The following IFT140 variants were observed in gnomAD, a reference collection of about 807,000 sequenced individuals.
The protein encoded by IFT140 is intraflagellar transport protein 140 homolog.
In IFT140, 133 loss-of-function variants were observed where a neutral mutation model predicts 164.6. The observed-to-expected ratio is 0.81, with a 90% CI of 0.70 to 0.93. The LOEUF is 0.93. Among genes scored for constraint, IFT140 ranks in the 40% least tolerant of loss-of-function variants. The pLI, the probability that IFT140 is intolerant of heterozygous loss-of-function variation, is 0.00. For missense variants in IFT140, 2,045 were observed against 1,972.3 expected (o/e 1.04, Z -0.70); for synonymous variants, 860 against 817.3 (o/e 1.05, Z -0.89).
intron 12 of IFT140, among the ~76,000 whole-genome samples, chr16:1,581,758 GGGGTGGGGAGGGGAGGGGAGCGGA>G (rs2034575614): frequency 1.1e-5 from 1 of 94,050 alleles, no homozygotes; most frequent in African/African-American, 4.4e-5. Flanking sequence ...AGGGGAGCGG[GGGGTGGGGAGGGGAGGGGAGCGGA>G]GGGGAGGGGA....
In IFT140 at chr16:1,592,180, C is replaced by G; in HGVS notation, c.630G>C (p.Met210Ile). 6.2e-7 allele frequency: 1 copy of G among 1,614,180 alleles called. No individual in the cohort carries two copies. The highest frequency in any genetic ancestry group is 8.5e-7 in the Non-Finnish European group (1 of 1,180,026). Residue 210 changes from methionine to isoleucine, a missense_variant, in exon 6 of 31, where the codon ATG (methionine) becomes ATC (isoleucine). Physicochemically the swap from Met to Ile is conservative, Grantham distance 10. Coordinates refer to ENST00000426508, the MANE Select transcript of IFT140 (RefSeq NM_014714.4). ...HEGLLFFVSL[M>I]DGTVHYVDEK... ...ATCACAACCAAAGTTCCTCACCGTCCATCAGACTGACAAAGAACAACAGCC... is the reference window on the plus strand; with the variant it reads ...ATCACAACCAAAGTTCCTCACCGTCGATCAGACTGACAAAGAACAACAGCC...
At chr16:1,520,541 A>G (rs2040491626) in intron 27 of IFT140, 61 bp downstream of exon 27, 3 of 1,489,316 alleles carry the variant, frequency 2.0e-6, no homozygotes, top group Admixed American at 2.0e-5. Context: ...AGATGCGTGC[A>G]GGGGGCCCGC....
intron 19 of IFT140, among the ~76,000 whole-genome samples, chr16:1,529,982 C>A (rs1187024967): frequency 6.6e-6 from 1 of 152,138 alleles, no homozygotes; most frequent in Non-Finnish European, 1.5e-5. Flanking sequence ...GATGCCACGG[C>A]TCCTCACAGA....
Position 1,511,133 on chromosome 16 carries a change from C to T in IFT140, c.4200G>A (p.Glu1400=), listed in dbSNP as rs986247813. Reference sequence around the variant, plus strand: ...CCAAGGGAAGCCGCCGCCGCATCTCCTCCAGGAATCTGTAGGCCTGGGGCA... The same window carrying T: ...CCAAGGGAAGCCGCCGCCGCATCTCTTCCAGGAATCTGTAGGCCTGGGGCA... ...EEYQTAYRFL[E]EMRRRLPLAN... is the part of the protein sequence containing the mutation. Residue 1400 remains glutamate, a synonymous_variant, in exon 31 of 31, where the codon GAG becomes GAA. Coordinates refer to ENST00000426508, the MANE Select transcript of IFT140 (RefSeq NM_014714.4). 2 of 1,607,782 alleles carry T rather than the reference C, an allele frequency of 1.2e-6. No homozygotes were observed. Among genetic ancestry groups the T allele is most frequent in the Admixed American group, 1.7e-5 (1 of 59,112 alleles).
Position 1,510,795 on chromosome 16 carries a change from CGGG to C in IFT140, c.*146_*148del. On this transcript the variant is annotated 3_prime_UTR_variant, in exon 31 of 31. Coordinates refer to ENST00000426508, the MANE Select transcript of IFT140 (RefSeq NM_014714.4). ...AGACGGGTCACACCCTCCGCCGGCCCGGGCCGCTGCGTTCTCGCCCAGCTCTGT... is the reference window on the plus strand; with the variant it reads ...AGACGGGTCACACCCTCCGCCGGCCCCCGCTGCGTTCTCGCCCAGCTCTGT... 1 of 755,540 alleles carries C rather than the reference CGGG, an allele frequency of 1.3e-6. No individual in the cohort carries two copies. The allele number at this position is 755,540 out of a possible 1,614,324, so 46.8% of individuals were successfully genotyped here.
At chr16:1,534,700 G>A in intron 19 of IFT140, 1 of 1,217,710 alleles carries the variant, frequency 8.2e-7, no homozygotes, top group Admixed American at 2.4e-5. Flanking sequence ...GCAGGAGGGG[G>A]CACTGTGTCT....
intron 3 of IFT140, among the ~76,000 whole-genome samples, chr16:1,605,256 C>T (rs2035999557): frequency 6.6e-6 from 1 of 152,142 alleles, no homozygotes; most frequent in African/African-American, 2.4e-5. Context: ...GAGGACTTCA[C>T]AGGAGTGTGG....
chr16:1,548,905 G>GAC (rs2032401845), intron 19 of IFT140, among the ~76,000 whole-genome samples: 2 of 152,224 alleles, frequency 1.3e-5, no homozygotes, highest in African/African-American at 4.8e-5. Context: ...TTTTACTGCT[G>GAC]ACAGGTGGAA....
rs559728815 is a variant in IFT140 at position 1,541,395 on chromosome 16, G to T, written c.2400-14599C>A. 2.4e-5 allele frequency: 24 copies of T among 985,430 alleles called. No individual in the cohort carries two copies. In the African/African-American group the frequency reaches 4.0e-4, roughly 16 times the overall value. The allele number at this position is 985,430 out of a possible 1,614,324, so 61.0% of individuals were successfully genotyped here. On this transcript the variant is annotated intron_variant, in intron 19 of 30. Coordinates refer to ENST00000426508, the MANE Select transcript of IFT140 (RefSeq NM_014714.4). Reference sequence around the variant, plus strand: ...CTCCTCGGTCCCAAGTCCCTCAGCTGCTGGGAGGAGGGAACACCACCATGA... The same window carrying T: ...CTCCTCGGTCCCAAGTCCCTCAGCTTCTGGGAGGAGGGAACACCACCATGA...
rs771255082 is a variant in IFT140 at position 1,558,011 on chromosome 16, C to T, written c.2323G>A (p.Ala775Thr). 42 of 1,613,828 alleles carry T rather than the reference C, an allele frequency of 2.6e-5. No homozygotes were observed. Among genetic ancestry groups the T allele is most frequent in the South Asian group, 1.4e-4 (13 of 91,068 alleles). The change falls in exon 19 of 31, where the codon GCC becomes ACC. Residue 775 changes from alanine to threonine, a missense_variant. By Grantham distance (58) the Ala-to-Thr change is moderately conservative. Transcript: ENST00000426508. ...ACAAAGAAGCTGAAGTGGAGCATGG[C>T]GTCCCGGGTGGCCTTGTCGCAGTCC... is the stretch of plus-strand genomic sequence containing the variant. ...LEDCDKATRDAMLHFSFFVTI... is the reference protein window; with the variant it reads ...LEDCDKATRDTMLHFSFFVTI...
At chr16:1,605,294 G>A (rs2142075698) in intron 3 of IFT140, among the ~76,000 whole-genome samples, 1 of 152,310 alleles carries the variant, frequency 6.6e-6, no homozygotes, top group Non-Finnish European at 1.5e-5. Context: ...AAACACTCAG[G>A]GGGTGACACC....
intron 29 of IFT140, among the ~76,000 whole-genome samples, chr16:1,518,982 T>G (rs1367649182): frequency 6.6e-6 from 1 of 152,164 alleles, no homozygotes; most frequent in Non-Finnish European, 1.5e-5. Context: ...GCGCCTGGCC[T>G]GCCCTCTGAC....
In IFT140 at chr16:1,587,317, A is replaced by C. The variant is rs748649022; in HGVS notation, c.903-13T>G. On this transcript the variant is annotated splice_polypyrimidine_tract_variant and intron_variant, in intron 8 of 30. Transcript: ENST00000426508. ...TATGTCCCAGAATCTACAACAGAAGAAAGCAAGCCCCATGGAGGGCCTGTG... is the reference window on the plus strand; with the variant it reads ...TATGTCCCAGAATCTACAACAGAAGCAAGCAAGCCCCATGGAGGGCCTGTG... 9 of 1,564,864 alleles carry C rather than the reference A, an allele frequency of 5.8e-6. No homozygotes were observed. The highest frequency in any genetic ancestry group is 3.3e-5 in the South Asian group (3 of 90,062).
chr16:1,561,233 C>CTGCT (rs772201875), intron 18 of IFT140, among the ~76,000 whole-genome samples: 45 of 152,266 alleles, frequency 3.0e-4, no homozygotes, highest in Non-Finnish European at 5.1e-4. Flanking sequence ...CACACATGGG[C>CTGCT]TGCTGTTCTG....
chr16:1,592,209 C>G lies in IFT140; in HGVS notation c.601G>C (p.Glu201Gln), dbSNP rs367721062. ...AGACTGACAAAGAACAACAGCCCCT[C>G]GTGAGACCCCATCTTCAGCAAACTT... ...SGSLLKMGSH[E>Q]GLLFFVSLMD... is the part of the protein sequence containing the mutation. Residue 201 changes from glutamate (E) to glutamine (Q), a missense_variant, in exon 6 of 31, where the codon GAG becomes CAG. Transcript: ENST00000426508. 5.0e-6 allele frequency: 8 copies of G among 1,614,084 alleles called. No homozygotes were observed. Among genetic ancestry groups the G allele is most frequent in the Non-Finnish European group, 6.8e-6 (8 of 1,180,048 alleles).
chr16:1,534,170 TG>T, intron 19 of IFT140: 1 of 1,444,476 alleles, frequency 6.9e-7, no homozygotes, highest in Non-Finnish European at 9.3e-7. Flanking sequence ...CGAGGATGAG[TG>T]GTGATGTCCT....
chr16:1,553,909 A>G lies in IFT140; in HGVS notation c.2399+4026T>C. The G allele has an allele frequency of 7.8e-7, 1 of 1,278,064 alleles. No individual in the cohort carries two copies. The highest frequency in any genetic ancestry group is 1.2e-5 in the South Asian group (1 of 80,600). 79.2% of individuals were successfully genotyped at this position (1,278,064 alleles called of 1,614,324 possible). On this transcript the variant is annotated intron_variant, in intron 19 of 30. Coordinates refer to ENST00000426508, the MANE Select transcript of IFT140 (RefSeq NM_014714.4). This position sits in a 1 kb window ranked among gnomAD's most constrained non-coding sequence, Gnocchi z 4.4. ...CCCTGATTTTCCTGTTGTAAGAACT[A>G]AAAAGGTCTTTGGAGCTCCTCAAAG...
intron 19 of IFT140, among the ~76,000 whole-genome samples, chr16:1,554,575 C>G (rs1342593186): frequency 1.3e-5 from 2 of 152,192 alleles, no homozygotes; most frequent in East Asian, 1.9e-4. Context: ...CAAGGTGGCT[C>G]AACACCAGGG....
intron 19 of IFT140, among the ~76,000 whole-genome samples, chr16:1,539,007 G>A (rs562577623): frequency 2.5e-4 from 35 of 142,468 alleles, no homozygotes; most frequent in African/African-American, 8.4e-4. Context: ...GGTGCCACGC[G>A]GCCCCCCACC....
Sources: allele counts gnomAD v4.1 joint callset (sites outside exome capture counted in the v4.1 genomes callset), GRCh38; gene constraint gnomAD v4.1.1; non-coding constraint Gnocchi (gnomAD v3.1); transcripts MANE v1.5; gene names NCBI Gene and HGNC (gene_info 2026-07-23, HGNC 2026-07-21).